The following GCGR variants were observed in gnomAD, a reference collection of about 807,000 sequenced individuals.
GCGR encodes glucagon receptor.
Under a neutral mutation model 56.1 loss-of-function variants are expected in GCGR, and 41 were observed. The ratio of observed to expected loss-of-function variants is 0.73; its 90% CI spans 0.57 to 0.95. The LOEUF is 0.95. Among genes scored for constraint, GCGR ranks in the 40% least tolerant of loss-of-function variants. The pLI, the probability that GCGR is intolerant of heterozygous loss-of-function variation, is 0.00. For synonymous variants in GCGR, 278 were observed against 271.1 expected, an observed-to-expected ratio of 1.03 and a Z score of -0.25; for missense variants, 595 against 638.2, an observed-to-expected ratio of 0.93 and a Z score of 0.73.
At position 81,813,250 on chromosome 17, in the gene GCGR, C is replaced by T. The variant is rs962030240; in HGVS notation, c.1218+193C>T. ...TGTCAGGCCCCCAGGACAGGTTGGC[C>T]TCAGCCCCATCGCTACGGTGTCCAC... On this transcript the variant is annotated intron_variant, in intron 13 of 13. Coordinates refer to ENST00000400723, the MANE Select transcript of GCGR (RefSeq NM_000160.5). This position sits in a 1 kb window ranked among gnomAD's most constrained non-coding sequence, Gnocchi z 5.3. Among the ~76,000 whole-genome samples the T allele has an allele frequency of 6.6e-6, 1 of 152,182 alleles. No homozygotes were observed. Among genetic ancestry groups the T allele is most frequent in the African/African-American group, 2.4e-5 (1 of 41,432 alleles).
intron 1 of GCGR, among the ~76,000 whole-genome samples, chr17:81,807,782 A>G (rs1172176846): frequency 6.6e-6 from 1 of 152,204 alleles, no homozygotes; most frequent in East Asian, 1.9e-4. Flanking sequence ...CACAGAATTC[A>G]GTTGGTGCAG....
Position 81,812,868 on chromosome 17 carries a change from T to G in GCGR, c.1099T>G (p.Phe367Val). ...GGGCGTCCACGAAGTGGTCTTCGCCTTCGTGACGGACGAGCACGCCCAGGG... is the reference window on the plus strand; with the variant it reads ...GGGCGTCCACGAAGTGGTCTTCGCCGTCGTGACGGACGAGCACGCCCAGGG... ...LLGVHEVVFA[F>V]VTDEHAQGTL... The change falls in exon 12 of 14, where the codon TTC becomes GTC. Residue 367 changes from phenylalanine to valine, a missense_variant. Phe to Val is a conservative substitution (Grantham distance 50). Transcript: ENST00000400723. The surrounding 1 kb of genome is among the most constrained non-coding windows in gnomAD (Gnocchi z 8.5). The G allele has an allele frequency of 1.3e-6, 2 of 1,536,070 alleles. No homozygotes were observed. Among genetic ancestry groups the G allele is most frequent in the Non-Finnish European group, 1.7e-6 (2 of 1,146,762 alleles).
At position 81,812,997 on chromosome 17, in the gene GCGR, G is replaced by A; in HGVS notation, c.1177-19G>A. 1 of 1,536,224 alleles carries A rather than the reference G, an allele frequency of 6.5e-7. No individual in the cohort carries two copies. The highest frequency in any genetic ancestry group is 8.7e-7 in the Non-Finnish European group (1 of 1,146,806). On this transcript the variant is annotated intron_variant, in intron 12 of 13. Transcript: ENST00000400723. The surrounding 1 kb of genome is among the most constrained non-coding windows in gnomAD (Gnocchi z 8.5). ...GCCCGGGGCGCAGTGTGCCACCCCT[G>A]ACCACCCTGTCTCTCCAGGGCCTGC...
At position 81,804,282 on chromosome 17, in the gene GCGR, T is replaced by C. The variant is rs1166527098; in HGVS notation, c.-178+33T>C. ...CCTGGGCCGCGGCCCCGAGGGGACG[T>C]TGGGGAGTCGACCCGGTGGGGACAG... On this transcript the variant is annotated intron_variant, in intron 1 of 13. Coordinates refer to ENST00000400723, the MANE Select transcript of GCGR (RefSeq NM_000160.5). This position sits in a 1 kb window ranked among gnomAD's most constrained non-coding sequence, Gnocchi z 8.2. The C allele has an allele frequency of 6.7e-6, 1 of 149,756 alleles. No homozygotes were observed. The highest frequency in any genetic ancestry group is 1.5e-5 in the Non-Finnish European group (1 of 67,160). 9.3% of individuals were successfully genotyped at this position (149,756 alleles called of 1,614,324 possible). A position where few individuals can be genotyped will look rare whatever the true frequency, so the allele number is the denominator to read the frequency against.
chr17:81,811,235 A>C lies in GCGR; in HGVS notation c.407A>C (p.Lys136Thr). 6.5e-7 allele frequency: 1 copy of C among 1,536,246 alleles called. No homozygotes were observed. The highest frequency in any genetic ancestry group is 8.7e-7 in the Non-Finnish European group (1 of 1,146,746). Residue 136 changes from lysine (K) to threonine (T), a missense_variant, in exon 6 of 14, where the codon AAG becomes ACG. Transcript: ENST00000400723. This position sits in a 1 kb window ranked among gnomAD's most constrained non-coding sequence, Gnocchi z 5.8. ...TGTAACTCGCAGAAGGAGGTGGCCA[A>C]GATGTACAGCAGCTTCCAGGTGATG... Reference protein sequence around the residue: ...EEIEVQKEVAKMYSSFQVMYT... With the variant: ...EEIEVQKEVATMYSSFQVMYT...
At position 81,804,609 on chromosome 17, in the gene GCGR, GGGAGCGCACAAAGCGCCGC is replaced by G. The variant is rs1036753497; in HGVS notation, c.-178+364_-178+382del. Among the ~76,000 whole-genome samples the G allele has an allele frequency of 7.9e-5, 12 of 151,960 alleles. No homozygotes were observed. The highest frequency in any genetic ancestry group is 2.7e-4 in the African/African-American group (11 of 41,400). On this transcript the variant is annotated intron_variant, in intron 1 of 13. Transcript: ENST00000400723. The surrounding 1 kb of genome is among the most constrained non-coding windows in gnomAD (Gnocchi z 8.2). ...CAGGGCCCCGGGCCCCGCCGCCCTGGGGAGCGCACAAAGCGCCGCGGACGCGTCCCCGAGGCGCGGGGTC... is the reference window on the plus strand; with the variant it reads ...CAGGGCCCCGGGCCCCGCCGCCCTGGGGACGCGTCCCCGAGGCGCGGGGTC...
In GCGR at chr17:81,813,609, A is replaced by T; in HGVS notation, c.1354A>T (p.Arg452Trp). The T allele has an allele frequency of 6.5e-7, 1 of 1,536,432 alleles. No homozygotes were observed. The highest frequency in any genetic ancestry group is 8.7e-7 in the Non-Finnish European group (1 of 1,146,824). ...GPPSKELQFG[R>W]GGGSQDSSAE... ...TCCCAGCAAGGAGCTGCAGTTTGGG[A>T]GGGGTGGTGGCAGCCAGGATTCATC... is the stretch of plus-strand genomic sequence containing the variant. Residue 452 changes from arginine (R) to tryptophan (W), a missense_variant, in exon 14 of 14, where the codon AGG (arginine) becomes TGG (tryptophan). Coordinates refer to ENST00000400723, the MANE Select transcript of GCGR (RefSeq NM_000160.5). The surrounding 1 kb of genome is among the most constrained non-coding windows in gnomAD (Gnocchi z 5.3).
At chr17:81,809,213 T>A in intron 2 of GCGR, 135 bp downstream of exon 2, 1 of 1,077,808 alleles carries the variant, frequency 9.3e-7, no homozygotes, top group Non-Finnish European at 1.3e-6. Context: ...CCTGCCCATC[T>A]GCCTGTCTGT....
rs781647808 is a variant in GCGR at position 81,808,996 on chromosome 17, G to C, written c.-23G>C. On this transcript the variant is annotated 5_prime_UTR_variant, in exon 2 of 14. Transcript: ENST00000400723. ...GCTGTGCAGCCCCTGCCAGATGTGG[G>C]AGGCAGCTAGCTGCCCAGAGGCATG... 1 of 1,535,578 alleles carries C rather than the reference G, an allele frequency of 6.5e-7. No individual in the cohort carries two copies. Among genetic ancestry groups the C allele is most frequent in the South Asian group, 1.2e-5 (1 of 84,044 alleles).
chr17:81,809,709 G>A (rs1467956954), intron 2 of GCGR, 73 bp from the exon 3 acceptor site: 5 of 1,195,520 alleles, frequency 4.2e-6, no homozygotes, highest in Non-Finnish European at 6.0e-6. Context: ...CTGCCTGTCT[G>A]CCTGTCTGTC....
At chr17:81,805,224 C>T (rs893708530) in intron 1 of GCGR, 1 of 152,354 alleles carries the variant, frequency 6.6e-6, no homozygotes, top group African/African-American at 2.4e-5. Flanking sequence ...TCCTGGGGGC[C>T]CAGCTCCAGG....
In GCGR at chr17:81,811,289, G is replaced by A; in HGVS notation, c.461G>A (p.Gly154Glu). The A allele has an allele frequency of 6.5e-7, 1 of 1,536,012 alleles. No individual in the cohort carries two copies. The stretch of plus-strand genomic sequence containing the variant: ...ACAGTGGGCTACAGCCTGTCCCTGG[G>A]GGCCCTGCTCCTCGCCTTGGCCATC... ...MYTVGYSLSL[G>E]ALLLALAILG... is the part of the protein sequence containing the mutation. The change falls in exon 6 of 14, where the codon GGG becomes GAG. Residue 154 changes from glycine to glutamate, a missense_variant. Physicochemically the swap from Gly to Glu is moderately conservative, Grantham distance 98. Transcript: ENST00000400723. This position sits in a 1 kb window ranked among gnomAD's most constrained non-coding sequence, Gnocchi z 5.8.
Position 81,804,497 on chromosome 17 carries a change from G to C in GCGR, c.-178+248G>C, listed in dbSNP as rs1039390503. Among the ~76,000 whole-genome samples the C allele has an allele frequency of 2.0e-5, 3 of 151,806 alleles. No individual in the cohort carries two copies. Among genetic ancestry groups the C allele is most frequent in the African/African-American group, 7.2e-5 (3 of 41,452 alleles). ...GTCTCAGCCCCTCCCCCGTTCTCTGGTCCTGGGGGGCGCGGCTGGGGGCGG... is the reference window on the plus strand; with the variant it reads ...GTCTCAGCCCCTCCCCCGTTCTCTGCTCCTGGGGGGCGCGGCTGGGGGCGG... On this transcript the variant is annotated intron_variant, in intron 1 of 13. Transcript: ENST00000400723. The surrounding 1 kb of genome is among the most constrained non-coding windows in gnomAD (Gnocchi z 8.2).
In GCGR at chr17:81,804,599, C is replaced by T. The variant is rs1249264844; in HGVS notation, c.-178+350C>T. Among the ~76,000 whole-genome samples the T allele has an allele frequency of 1.3e-5, 2 of 152,042 alleles. No individual in the cohort carries two copies. Among genetic ancestry groups the T allele is most frequent in the Non-Finnish European group, 2.9e-5 (2 of 67,974 alleles). ...ACTCCCCACTCAGGGCCCCGGGCCC[C>T]GCCGCCCTGGGGAGCGCACAAAGCG... On this transcript the variant is annotated intron_variant, in intron 1 of 13. Coordinates refer to ENST00000400723, the MANE Select transcript of GCGR (RefSeq NM_000160.5). This position sits in a 1 kb window ranked among gnomAD's most constrained non-coding sequence, Gnocchi z 8.2.
chr17:81,812,852 C>A lies in GCGR; in HGVS notation c.1083C>A (p.His361Gln). 2 of 1,535,990 alleles carry A rather than the reference C, an allele frequency of 1.3e-6. No homozygotes were observed. Among genetic ancestry groups the A allele is most frequent in the South Asian group, 2.4e-5 (2 of 84,064 alleles). ...CCCTCATCCCTCTGCTGGGCGTCCA[C>A]GAAGTGGTCTTCGCCTTCGTGACGG... ...TLTLIPLLGVHEVVFAFVTDE... is the reference protein window; with the variant it reads ...TLTLIPLLGVQEVVFAFVTDE... The change falls in exon 12 of 14, where the codon CAC becomes CAA. Residue 361 changes from histidine to glutamine, a missense_variant. Transcript: ENST00000400723. The surrounding 1 kb of genome is among the most constrained non-coding windows in gnomAD (Gnocchi z 8.5).
Position 81,810,468 on chromosome 17 carries a change from C to G in GCGR, c.164-357C>G. 1 of 398,582 alleles carries G rather than the reference C, an allele frequency of 2.5e-6. No individual in the cohort carries two copies. Among genetic ancestry groups the G allele is most frequent in the Non-Finnish European group, 4.7e-6 (1 of 213,164 alleles). 24.7% of individuals were successfully genotyped at this position (398,582 alleles called of 1,614,324 possible). On this transcript the variant is annotated intron_variant, in intron 3 of 13. Transcript: ENST00000400723. The surrounding 1 kb of genome is among the most constrained non-coding windows in gnomAD (Gnocchi z 4.6). The stretch of plus-strand genomic sequence containing the variant: ...GGATGAAAATGGCATTGGGGTTCAG[C>G]CCCCAGAGAGGGAGGTGCTGAGAGA...
In GCGR at chr17:81,811,888, GC is replaced by G; in HGVS notation, c.825del (p.Met276CysfsTer41). 1 of 1,537,118 alleles carries G rather than the reference GC, an allele frequency of 6.5e-7. No individual in the cohort carries two copies. The highest frequency in any genetic ancestry group is 8.7e-7 in the Non-Finnish European group (1 of 1,146,882). On this transcript the variant is annotated frameshift_variant, in exon 9 of 14. Coordinates refer to ENST00000400723, the MANE Select transcript of GCGR (RefSeq NM_000160.5). LOFTEE classifies it high-confidence loss of function. This position sits in a 1 kb window ranked among gnomAD's most constrained non-coding sequence, Gnocchi z 5.8. ...ACCACAGCTGCTGCCCCCCACAGGT[GC>G]CCCCATGCTGTTCGTCGTCCCCTGG... ...FSLYLGIGWG[A>X]PMLFVVPWAV...
intron 1 of GCGR, among the ~76,000 whole-genome samples, chr17:81,808,110 G>T (rs1404018296): frequency 2.0e-5 from 3 of 152,256 alleles, no homozygotes; most frequent in Admixed American, 6.5e-5. Context: ...GGGCACACAT[G>T]TGACACAGAC....
rs867051527 is a variant in GCGR, at chr17:81,811,421, G to C, written c.518G>C (p.Arg173Pro). The C allele has an allele frequency of 6.5e-7, 1 of 1,536,486 alleles. No homozygotes were observed. The change falls in exon 7 of 14, where the codon CGC becomes CCC. Residue 173 changes from arginine to proline, a missense_variant. Physicochemically the swap from Arg to Pro is moderately radical, Grantham distance 103. Coordinates refer to ENST00000400723, the MANE Select transcript of GCGR (RefSeq NM_000160.5). This position sits in a 1 kb window ranked among gnomAD's most constrained non-coding sequence, Gnocchi z 5.8. ...GCCCACAGCAAGCTGCACTGCACCC[G>C]CAATGCCATCCACGCGAATCTGTTT... is the stretch of plus-strand genomic sequence containing the variant. ...LGGLSKLHCT[R>P]NAIHANLFAS...
Sources: allele counts gnomAD v4.1 joint callset (sites outside exome capture counted in the v4.1 genomes callset), GRCh38; gene constraint gnomAD v4.1.1; non-coding constraint Gnocchi (gnomAD v3.1); transcripts MANE v1.5; gene names NCBI Gene and HGNC (gene_info 2026-07-23, HGNC 2026-07-21).